Variants in NIBAN2 observed in about 807,000 individuals in gnomAD.
NIBAN2 encodes protein Niban 2.
A neutral mutation model predicts 81.8 loss-of-function variants in NIBAN2; 36 were observed. The observed-to-expected ratio is 0.44, with a 90% CI of 0.34 to 0.58. The LOEUF is 0.58. NIBAN2 is among the 20% of genes least tolerant of loss of function. The probability of loss-of-function intolerance (pLI) is 0.02; values close to 1 mark genes in which losing one functional copy is unlikely to be tolerated. For synonymous variants in NIBAN2, 445 were observed against 441.6 expected (o/e 1.01, Z -0.10); for missense variants, 897 against 1,014.1 (o/e 0.88, Z 1.57).
intron 1 of NIBAN2, among the ~76,000 whole-genome samples, chr9:127,554,149 T>C (rs1398309674): frequency 6.6e-6 from 1 of 152,178 alleles, no homozygotes; most frequent in Non-Finnish European, 1.5e-5. Context: ...AATTTGTTGC[T>C]CTCCTTGCCC....
At chr9:127,541,630 A>G (rs1837381097) in intron 1 of NIBAN2, among the ~76,000 whole-genome samples, 1 of 152,078 alleles carries the variant, frequency 6.6e-6, no homozygotes, top group Non-Finnish European at 1.5e-5. Flanking sequence ...GGCTCCATCA[A>G]GTAGCAGGAG....
intron 1 of NIBAN2, chr9:127,578,778 G>A: frequency 1.4e-6 from 1 of 711,712 alleles, no homozygotes; most frequent in Non-Finnish European, 2.3e-6. Flanking sequence ...GATCCCTTGA[G>A]CCCAGGAGTT....
intron 1 of NIBAN2, among the ~76,000 whole-genome samples, chr9:127,552,434 A>T (rs1233209289): frequency 5.3e-5 from 8 of 152,022 alleles, no homozygotes; most frequent in Admixed American, 5.2e-4. Context: ...AAAATTAGCC[A>T]GGCATGGTGG....
intron 1 of NIBAN2, among the ~76,000 whole-genome samples, chr9:127,538,814 G>A (rs1837326261): frequency 6.6e-6 from 1 of 151,546 alleles, no homozygotes; most frequent in South Asian, 2.1e-4. Context: ...GCATGGTGGT[G>A]GGCGCCTGTA....
chr9:127,514,063 G>GT (rs1313597810), intron 8 of NIBAN2, among the ~76,000 whole-genome samples: 1 of 152,182 alleles, frequency 6.6e-6, no homozygotes, highest in Non-Finnish European at 1.5e-5. Flanking sequence ...GACGTCAGGA[G>GT]TTTGAGACCA....
chr9:127,567,508 G>A (rs981078640), intron 1 of NIBAN2, among the ~76,000 whole-genome samples: 2 of 152,210 alleles, frequency 1.3e-5, no homozygotes, highest in Non-Finnish European at 2.9e-5. Context: ...CTCTGGCCTT[G>A]GGACTTGGCC....
intron 1 of NIBAN2, among the ~76,000 whole-genome samples, chr9:127,577,709 T>TG (rs1838025848): frequency 6.6e-6 from 1 of 152,120 alleles, no homozygotes; most frequent in African/African-American, 2.4e-5. Flanking sequence ...CTGCTATATC[T>TG]TTTTGTTTGT....
In NIBAN2 at chr9:127,525,113, G is replaced by T; in HGVS notation, c.366C>A (p.Tyr122Ter). Residue 122 changes from tyrosine to a stop codon, truncating the protein, a stop_gained, in exon 4 of 14, where the codon TAC becomes TAA. Coordinates refer to ENST00000373312, the MANE Select transcript of NIBAN2 (RefSeq NM_022833.4). LOFTEE classifies it high-confidence loss of function. ...PPRAVINSAGYKILTSVDQYL... is the reference protein window; with the variant it reads ...PPRAVINSAG ...ATTGGTCCACGGACGTGAGGATTTT[G>T]TAGCCTGCACTGTTGATGACGGCTC... The T allele has an allele frequency of 6.2e-7, 1 of 1,614,198 alleles. No individual in the cohort carries two copies. The highest frequency in any genetic ancestry group is 8.5e-7 in the Non-Finnish European group (1 of 1,180,032).
intron 1 of NIBAN2, among the ~76,000 whole-genome samples, chr9:127,532,060 C>T (rs551496716): frequency 6.6e-6 from 1 of 152,292 alleles, no homozygotes; most frequent in South Asian, 2.1e-4. Flanking sequence ...CATTTCCTGT[C>T]GTCACACTGG....
At chr9:127,551,341 G>A (rs1231223552) in intron 1 of NIBAN2, among the ~76,000 whole-genome samples, 1 of 151,770 alleles carries the variant, frequency 6.6e-6, no homozygotes, top group African/African-American at 2.4e-5. Flanking sequence ...TGGGCAACAC[G>A]GTGAAACCCC....
chr9:127,508,393 G>A lies in NIBAN2; in HGVS notation c.1434+29C>T, dbSNP rs369932338. ...CTCGGGGCTCGGCCTCGCCTAGGACGGTCCGGGGCAGGGCGTGGGGCCGCT... is the reference window on the plus strand; with the variant it reads ...CTCGGGGCTCGGCCTCGCCTAGGACAGTCCGGGGCAGGGCGTGGGGCCGCT... On this transcript the variant is annotated intron_variant, in intron 11 of 13. Coordinates refer to ENST00000373312, the MANE Select transcript of NIBAN2 (RefSeq NM_022833.4). The surrounding 1 kb of genome is among the most constrained non-coding windows in gnomAD (Gnocchi z 6.4). 1.1e-4 allele frequency: 168 copies of A among 1,536,602 alleles called. 1 individual carries two copies. Among genetic ancestry groups the A allele is most frequent in the Middle Eastern group, 8.7e-4 (4 of 4,594 alleles).
At chr9:127,510,432 ATCAT>A in intron 8 of NIBAN2, 99 bp from the exon 9 acceptor site, 1 of 731,836 alleles carries the variant, frequency 1.4e-6, no homozygotes, top group Non-Finnish European at 2.0e-6. Flanking sequence ...TACTATTATT[ATCAT>A]TATTATTATA....
chr9:127,537,578 A>G (rs759692822), intron 1 of NIBAN2, among the ~76,000 whole-genome samples: 2 of 152,222 alleles, frequency 1.3e-5, no homozygotes, highest in Non-Finnish European at 2.9e-5. Flanking sequence ...GGTCCTGCCT[A>G]ACCGTGGCTG....
In NIBAN2 at chr9:127,508,150, C is replaced by T. The variant is rs570624473; in HGVS notation, c.1485G>A (p.Ala495=). ...SSVRKRFFRE[A]LLQISIPFLL... is the part of the protein sequence containing the mutation. ...GGAACGGGATGCTGATCTGCAGCAG[C>T]GCCTCCCGGAAGAACCTCTTCCGCA... Residue 495 remains alanine (A), a synonymous_variant, in exon 12 of 14, where the codon GCG becomes GCA. Coordinates refer to ENST00000373312, the MANE Select transcript of NIBAN2 (RefSeq NM_022833.4). This position sits in a 1 kb window ranked among gnomAD's most constrained non-coding sequence, Gnocchi z 6.4. 168 of 1,613,606 alleles carry T rather than the reference C, an allele frequency of 1.0e-4. 3 individuals are homozygous for T. The South Asian group carries it at 1.7e-3, about 17-fold the overall frequency.
intron 5 of NIBAN2, 83 bp downstream of exon 5, chr9:127,523,596 G>C (rs1464060631): frequency 1.4e-6 from 2 of 1,430,580 alleles, no homozygotes; most frequent in Admixed American, 3.6e-5. Context: ...CCACACCATA[G>C]TCAGCCACTA....
At position 127,507,054 on chromosome 9, in the gene NIBAN2, C is replaced by A. The variant is rs779474504; in HGVS notation, c.2032G>T (p.Ala678Ser). Residue 678 changes from alanine (A) to serine (S), a missense_variant, in exon 14 of 14, where the codon GCT becomes TCT. Coordinates refer to ENST00000373312, the MANE Select transcript of NIBAN2 (RefSeq NM_022833.4). The surrounding 1 kb of genome is among the most constrained non-coding windows in gnomAD (Gnocchi z 6.8). ...PAGPLLNGAP[A>S]GESPQPKAAP... ...GCCTTAGGCTGGGGACTCTCCCCAG[C>A]GGGGGCCCCGTTGAGCAGGGGGCCG... is the stretch of plus-strand genomic sequence containing the variant. 2 of 1,578,224 alleles carry A rather than the reference C, an allele frequency of 1.3e-6. No homozygotes were observed. Among genetic ancestry groups the A allele is most frequent in the East Asian group, 2.3e-5 (1 of 43,144 alleles).
chr9:127,563,322 A>G lies in NIBAN2; in HGVS notation c.55+5498T>C, dbSNP rs1837804744. On this transcript the variant is annotated intron_variant, in intron 1 of 13. Coordinates refer to ENST00000373312, the MANE Select transcript of NIBAN2 (RefSeq NM_022833.4). The surrounding 1 kb of genome is among the most constrained non-coding windows in gnomAD (Gnocchi z 4.1). The stretch of plus-strand genomic sequence containing the variant: ...CAGAGAGACAGCATCATCCCCAGAC[A>G]CTTCGCCCCCAGGGGCTGACCCGGA... Among the ~76,000 whole-genome samples, 1 of 152,234 alleles carries G rather than the reference A, an allele frequency of 6.6e-6. No homozygotes were observed. Among genetic ancestry groups the G allele is most frequent in the African/African-American group, 2.4e-5 (1 of 41,466 alleles).
Position 127,563,155 on chromosome 9 carries a change from G to A in NIBAN2, c.55+5665C>T, listed in dbSNP as rs1270412860. 1.3e-5 allele frequency among the ~76,000 whole-genome samples: 2 copies of A among 152,224 alleles called. No individual in the cohort carries two copies. Among genetic ancestry groups the A allele is most frequent in the Non-Finnish European group, 2.9e-5 (2 of 68,038 alleles). ...TGTGGGAAGGACTAGAGGCTCCGAGGAGGCTGGAGCAGCTCTGAGTAGGCG... is the reference window on the plus strand; with the variant it reads ...TGTGGGAAGGACTAGAGGCTCCGAGAAGGCTGGAGCAGCTCTGAGTAGGCG... On this transcript the variant is annotated intron_variant, in intron 1 of 13. Coordinates refer to ENST00000373312, the MANE Select transcript of NIBAN2 (RefSeq NM_022833.4). The surrounding 1 kb of genome is among the most constrained non-coding windows in gnomAD (Gnocchi z 4.1).
At chr9:127,521,936 C>A (rs1836950928) in intron 5 of NIBAN2, among the ~76,000 whole-genome samples, 1 of 152,248 alleles carries the variant, frequency 6.6e-6, no homozygotes, top group Non-Finnish European at 1.5e-5. Flanking sequence ...CCCCACTGCA[C>A]ACATGGGGGA....
Sources: gnomAD v4.1 joint callset for allele counts (sites outside exome capture counted in the v4.1 genomes callset) on GRCh38, gnomAD v4.1.1 for gene constraint, Gnocchi (gnomAD v3.1) non-coding constraint, MANE v1.5 for transcripts, NCBI Gene and HGNC (gene_info 2026-07-23, HGNC 2026-07-21) for gene names.